FYCO1: variants seen among roughly 807,000 people sequenced by gnomAD.
The protein encoded by FYCO1 is FYVE and coiled-coil domain autophagy adaptor 1, also known as FYVE and coiled-coil domain-containing protein 1.
Under a neutral mutation model 165.1 loss-of-function variants are expected in FYCO1, and 122 were observed. The observed-to-expected ratio is 0.74, with a 90% CI of 0.64 to 0.86. The LOEUF (loss-of-function observed/expected upper bound fraction) is 0.86. FYCO1 is among the 40% of genes least tolerant of loss of function. The pLI is 0.00. For synonymous variants in FYCO1, 648 were observed against 742.5 expected (o/e 0.87, Z 2.07); for missense variants, 1,702 against 1,810.3 (o/e 0.94, Z 1.09).
intron 17 of FYCO1, among the ~76,000 whole-genome samples, chr3:45,923,157 C>T (rs754089242): frequency 1.5e-3 from 236 of 152,362 alleles, no homozygotes; most frequent in Non-Finnish European, 2.3e-3. Context: ...CTGTCGCTCC[C>T]GCCACATGGC....
rs1705865086 is a variant in FYCO1 at position 45,964,282 on chromosome 3, A to T, written c.3269+54T>A. 2.9e-6 allele frequency: 4 copies of T among 1,364,554 alleles called. No individual in the cohort carries two copies. The African/African-American group carries it at 5.7e-5, about 19-fold the overall frequency. The allele number at this position is 1,364,554 out of a possible 1,614,324, so 84.5% of individuals were successfully genotyped here. ...GACTGACTTTCTAAATGACGAGACC[A>T]AACACTCCTTCCCTGAAGACTACCG... On this transcript the variant is annotated intron_variant, in intron 10 of 17. Transcript: ENST00000296137. This position sits in a 1 kb window ranked among gnomAD's most constrained non-coding sequence, Gnocchi z 4.1.
chr3:45,981,640 G>C lies in FYCO1; in HGVS notation c.92C>G (p.Ala31Gly), dbSNP rs770999598. The change falls in exon 3 of 18, where the codon GCA (alanine) becomes GGA (glycine). Residue 31 changes from alanine to glycine, a missense_variant. Transcript: ENST00000296137. ...VTELSKEFQE[A>G]GEPITDDSTS... ...GCTGTCATCCGTGATGGGTTCCCCT[G>C]CTTCCTGAAATTCTTTGCTTAGTTC... 2.5e-6 allele frequency: 4 copies of C among 1,613,966 alleles called. No individual in the cohort carries two copies. In the South Asian group the frequency reaches 4.4e-5, roughly 18 times the overall value.
Position 45,967,235 on chromosome 3 carries a change from GCCT to G in FYCO1, c.2096_2098del (p.Glu699del). 6.2e-7 allele frequency: 1 copy of G among 1,614,054 alleles called. No homozygotes were observed. The highest frequency in any genetic ancestry group is 8.5e-7 in the Non-Finnish European group (1 of 1,180,006). On this transcript the variant is annotated inframe_deletion, in exon 8 of 18. Coordinates refer to ENST00000296137, the MANE Select transcript of FYCO1 (RefSeq NM_024513.4). ...CTCGCCCTCCTTGCTCTGTAGAATG[GCCT>G]CCTTCTCTGCCATCTGGGCTTTCAT...
intron 1 of FYCO1, among the ~76,000 whole-genome samples, chr3:45,990,076 A>C (rs767568273): frequency 1.3e-5 from 2 of 152,210 alleles, no homozygotes; most frequent in Non-Finnish European, 2.9e-5. Flanking sequence ...CAGATCTCCA[A>C]AATTATATGC....
intron 1 of FYCO1, among the ~76,000 whole-genome samples, chr3:45,991,642 G>A (rs1378667527): frequency 1.4e-5 from 2 of 147,938 alleles, no homozygotes; most frequent in Non-Finnish European, 3.0e-5. Flanking sequence ...GTGGACAGGA[G>A]GAAGTGTGAA....
At chr3:45,924,034 G>T (rs886795806) in intron 16 of FYCO1, among the ~76,000 whole-genome samples, 1 of 152,166 alleles carries the variant, frequency 6.6e-6, no homozygotes, top group East Asian at 1.9e-4. Flanking sequence ...GAACATAGAA[G>T]ATGCTAGAAC....
Position 45,973,314 on chromosome 3 carries a change from C to T in FYCO1, c.396-83G>A, listed in dbSNP as rs541304470. 195 of 1,347,986 alleles carry T rather than the reference C, an allele frequency of 1.4e-4. No individual in the cohort carries two copies. The African/African-American group carries it at 2.4e-3, about 17-fold the overall frequency. 83.5% of individuals were successfully genotyped at this position (1,347,986 alleles called of 1,614,324 possible). A position where few individuals can be genotyped will look rare whatever the true frequency, so the allele number is the denominator to read the frequency against. ...TCCTCCCACTGTGGCTCTGCCTCAT[C>T]GAATTCCAACTCAGGTTACTAAATT... On this transcript the variant is annotated intron_variant, in intron 5 of 17. Transcript: ENST00000296137.
In FYCO1 at chr3:45,985,003, G is replaced by T; in HGVS notation, c.-93C>A. 8.3e-7 allele frequency: 1 copy of T among 1,208,774 alleles called. No homozygotes were observed. The highest frequency in any genetic ancestry group is 1.2e-6 in the Non-Finnish European group (1 of 810,340). The allele number at this position is 1,208,774 out of a possible 1,614,324, so 74.9% of individuals were successfully genotyped here. A position where few individuals can be genotyped will look rare whatever the true frequency, so the allele number is the denominator to read the frequency against. ...CTCGGTGGCTGTCTGCTCAGCAGTG[G>T]TCAGACTCCATGGTGGCACCTGCAC... On this transcript the variant is annotated 5_prime_UTR_variant, in exon 2 of 18. Transcript: ENST00000296137.
Position 45,956,290 on chromosome 3 carries a change from C to T in FYCO1, c.3800-897G>A, listed in dbSNP as rs184988852. On this transcript the variant is annotated intron_variant, in intron 13 of 17. Coordinates refer to ENST00000296137, the MANE Select transcript of FYCO1 (RefSeq NM_024513.4). The stretch of plus-strand genomic sequence containing the variant: ...GGCAGAGGTTGCAGTGAGCCGAGAT[C>T]GTACCACTGCACTCCAGCCTGAGAA... Among the ~76,000 whole-genome samples, 6 of 151,330 alleles carry T rather than the reference C, an allele frequency of 4.0e-5. No homozygotes were observed. The East Asian group carries it at 1.2e-3, about 29-fold the overall frequency.
In FYCO1 at chr3:45,981,272, G is replaced by A. The variant is rs6800394; in HGVS notation, c.162+298C>T. On this transcript the variant is annotated intron_variant, in intron 3 of 17. Coordinates refer to ENST00000296137, the MANE Select transcript of FYCO1 (RefSeq NM_024513.4). ...TAAACTCCCAAAGGGGTATGTAACT[G>A]TCCCAAAGTTAAGATCTTTGCCATA... Among the ~76,000 whole-genome samples, 5,229 of 152,312 alleles carry A rather than the reference G, an allele frequency of 0.034. 188 individuals carry two copies. Among genetic ancestry groups the A allele is most frequent in the African/African-American group, 0.091 (3,770 of 41,544 alleles).
intron 13 of FYCO1, among the ~76,000 whole-genome samples, 175 bp downstream of exon 13, chr3:45,958,233 T>G (rs1346384531): frequency 1.3e-5 from 2 of 152,260 alleles, no homozygotes; most frequent in Non-Finnish European, 1.5e-5. Context: ...TCTCTTTCAA[T>G]CCTAATATAT....
chr3:45,975,402 A>G, intron 4 of FYCO1, 57 bp from the exon 5 acceptor site: 1 of 1,307,922 alleles, frequency 7.6e-7, no homozygotes, highest in Non-Finnish European at 1.1e-6. Flanking sequence ...CCAAATACAG[A>G]CCTGGTCTCA....
chr3:45,978,205 C>G (rs1706866453), intron 4 of FYCO1, among the ~76,000 whole-genome samples: 1 of 152,230 alleles, frequency 6.6e-6, no homozygotes. Flanking sequence ...TATTTCCAGA[C>G]TTCAACTGTC....
At position 45,965,020 on chromosome 3, in the gene FYCO1, T is replaced by A; in HGVS notation, c.3150+13A>T. On this transcript the variant is annotated intron_variant, in intron 9 of 17. Transcript: ENST00000296137. Reference sequence around the variant, plus strand: ...TGCCCTCTCCCTGACAGGTCTACACTACCAGGGCCTACCTTCAGCTTCTCC... The same window carrying A: ...TGCCCTCTCCCTGACAGGTCTACACAACCAGGGCCTACCTTCAGCTTCTCC... 6.2e-7 allele frequency: 1 copy of A among 1,611,692 alleles called. No homozygotes were observed. The highest frequency in any genetic ancestry group is 8.5e-7 in the Non-Finnish European group (1 of 1,177,854).
At position 45,967,228 on chromosome 3, in the gene FYCO1, T is replaced by C. The variant is rs1706103816; in HGVS notation, c.2106A>G (p.Leu702=). ...GCTGACACTCGCCCTCCTTGCTCTG[T>C]AGAATGGCCTCCTTCTCTGCCATCT... ...KAQMAEKEAI[L]QSKEGECQQL... The change falls in exon 8 of 18, where the codon CTA becomes CTG. Residue 702 remains leucine (L), a synonymous_variant. Transcript: ENST00000296137. 6.2e-7 allele frequency: 1 copy of C among 1,614,084 alleles called. No homozygotes were observed. The highest frequency in any genetic ancestry group is 1.1e-5 in the South Asian group (1 of 91,078).
intron 15 of FYCO1, 60 bp downstream of exon 15, chr3:45,936,388 A>T: frequency 8.9e-7 from 1 of 1,123,044 alleles, no homozygotes; most frequent in Non-Finnish European, 1.4e-6. Flanking sequence ...GGCACTGGAG[A>T]GGCCAGTGCT....
intron 14 of FYCO1, chr3:45,938,405 C>T: frequency 2.7e-6 from 1 of 376,412 alleles, no homozygotes; most frequent in South Asian, 2.0e-5. Flanking sequence ...TTATGACCAA[C>T]ATTAAAAGAG....
chr3:45,966,190 C>G, intron 8 of FYCO1, 87 bp downstream of exon 8: 1 of 1,420,668 alleles, frequency 7.0e-7, no homozygotes, highest in Non-Finnish European at 9.8e-7. Flanking sequence ...CCTCACCTGC[C>G]TCATGGCTAA....
In FYCO1 at chr3:45,962,267, C is replaced by T; in HGVS notation, c.3395G>A (p.Arg1132Lys). 6.2e-7 allele frequency: 1 copy of T among 1,614,266 alleles called. No homozygotes were observed. Among genetic ancestry groups the T allele is most frequent in the Non-Finnish European group, 8.5e-7 (1 of 1,180,048 alleles). The change falls in exon 11 of 18, where the codon AGA (arginine) becomes AAA (lysine). Residue 1132 changes from arginine to lysine, a missense_variant. Physicochemically the swap from Arg to Lys is conservative, Grantham distance 26. Coordinates refer to ENST00000296137, the MANE Select transcript of FYCO1 (RefSeq NM_024513.4). The surrounding 1 kb of genome is among the most constrained non-coding windows in gnomAD (Gnocchi z 4.4). The stretch of plus-strand genomic sequence containing the variant: ...CCGCTCCTCGAGATACTTCTTGGTT[C>T]TGTTGAGGTCATCCAGGTCAGCAAG... ...KMLADLDDLN[R>K]TKKYLEERLI...
Sources: gnomAD v4.1 joint callset for allele counts (sites outside exome capture counted in the v4.1 genomes callset) on GRCh38, gnomAD v4.1.1 for gene constraint, Gnocchi (gnomAD v3.1) non-coding constraint, MANE v1.5 for transcripts, NCBI Gene and HGNC (gene_info 2026-07-23, HGNC 2026-07-21) for gene names.